WNK2: variants seen among roughly 807,000 people sequenced by gnomAD.
The protein encoded by WNK2 is WNK lysine deficient protein kinase 2, also known as serine/threonine-protein kinase WNK2.
Under a neutral mutation model 192.1 loss-of-function variants are expected in WNK2, and 67 were observed. The ratio of observed to expected loss-of-function variants is 0.35; its 90% CI spans 0.29 to 0.43. WNK2 has a LOEUF of 0.43. Among genes scored for constraint, WNK2 ranks in the 20% least tolerant of loss-of-function variants. The pLI, the probability that WNK2 is intolerant of heterozygous loss-of-function variation, is 1.00. For missense variants in WNK2, 2,698 were observed against 3,089.7 expected, an observed-to-expected ratio of 0.87 and a Z score of 3.01; for synonymous variants, 1,439 against 1,393.9, an observed-to-expected ratio of 1.03 and a Z score of -0.72.
chr9:93,297,154 C>T (rs866637202), intron 23 of WNK2, among the ~76,000 whole-genome samples: 1 of 146,296 alleles, frequency 6.8e-6, no homozygotes, highest in South Asian at 2.3e-4. Flanking sequence ...CATCCCCTCC[C>T]CATCCTCCCC....
At position 93,253,009 on chromosome 9, in the gene WNK2, C is replaced by T; in HGVS notation, c.1961C>T (p.Pro654Leu). The T allele has an allele frequency of 6.4e-7, 1 of 1,557,216 alleles. No individual in the cohort carries two copies. Among genetic ancestry groups the T allele is most frequent in the Non-Finnish European group, 8.7e-7 (1 of 1,152,686 alleles). The change falls in exon 9 of 30, where the codon CCC becomes CTC. Residue 654 changes from proline (P) to leucine (L), a missense_variant. Physicochemically the swap from Pro to Leu is moderately conservative, Grantham distance 98. Coordinates refer to ENST00000427277, the MANE Select transcript of WNK2 (RefSeq NM_006648.4). ...APSPAQCVCS[P>L]PVSEGPVLPQ... ...TCCCCGGCCCAGTGTGTGTGCAGCC[C>T]CCCTGTGAGCGAGGGGCCCGTCCTG...
intron 19 of WNK2, among the ~76,000 whole-genome samples, chr9:93,288,510 G>C (rs1192252112): frequency 6.6e-6 from 1 of 152,212 alleles, no homozygotes; most frequent in Non-Finnish European, 1.5e-5. Context: ...GACACAGAAG[G>C]AAGGGTGGTG....
rs1314862267 is a variant in WNK2, at chr9:93,259,498, C to T, written c.2950C>T (p.Pro984Ser). 3 of 1,561,054 alleles carry T rather than the reference C, an allele frequency of 1.9e-6. No homozygotes were observed. The highest frequency in any genetic ancestry group is 1.8e-5 in the Admixed American group (1 of 56,970). ...RPPQPVLPPQPMLPPQPVLPP... is the reference protein window; with the variant it reads ...RPPQPVLPPQSMLPPQPVLPP... ...CCCTCAACCTGTGCTGCCCCCGCAACCCATGCTGCCCCCACAACCTGTGCT... is the reference window on the plus strand; with the variant it reads ...CCCTCAACCTGTGCTGCCCCCGCAATCCATGCTGCCCCCACAACCTGTGCT... Residue 984 changes from proline to serine, a missense_variant, in exon 12 of 30, where the codon CCC (proline) becomes TCC (serine). Coordinates refer to ENST00000427277, the MANE Select transcript of WNK2 (RefSeq NM_006648.4). This position sits in a 1 kb window ranked among gnomAD's most constrained non-coding sequence, Gnocchi z 4.8.
rs773929587 is a variant in WNK2, at chr9:93,247,497, T to C, written c.1543-46T>C. 1 of 1,582,798 alleles carries C rather than the reference T, an allele frequency of 6.3e-7. No individual in the cohort carries two copies. Among genetic ancestry groups the C allele is most frequent in the South Asian group, 1.2e-5 (1 of 86,470 alleles). ...ACTTTAGGTAAGGGGTGTGGGCCGG[T>C]GAGGGCTGATCCCCAGCGATGCTGA... On this transcript the variant is annotated intron_variant, in intron 7 of 29. Transcript: ENST00000427277. This position sits in a 1 kb window ranked among gnomAD's most constrained non-coding sequence, Gnocchi z 5.2.
intron 16 of WNK2, among the ~76,000 whole-genome samples, 154 bp downstream of exon 16, chr9:93,264,187 G>C (rs913519000): frequency 1.3e-5 from 2 of 152,208 alleles, no homozygotes; most frequent in South Asian, 4.1e-4. Context: ...TTTACGCCTC[G>C]GGCTCTTCCC....
chr9:93,246,629 A>G (rs369480290), intron 7 of WNK2, among the ~76,000 whole-genome samples: 2 of 152,214 alleles, frequency 1.3e-5, no homozygotes, highest in African/African-American at 4.8e-5. Context: ...TGGGGTCGCC[A>G]GCCTCCATTG....
At chr9:93,308,263 C>T in intron 27 of WNK2, 65 bp from the exon 28 acceptor site, 1 of 1,508,588 alleles carries the variant, frequency 6.6e-7, no homozygotes, top group African/African-American at 1.4e-5. Flanking sequence ...TGAATGCGGC[C>T]AGCCCACTGG....
intron 8 of WNK2, among the ~76,000 whole-genome samples, chr9:93,250,506 G>T (rs759358149): frequency 6.6e-6 from 1 of 152,192 alleles, no homozygotes; most frequent in Admixed American, 6.5e-5. Context: ...GGATATGCTG[G>T]GTAAGAGCAG....
At chr9:93,272,005 C>G (rs563453717) in intron 19 of WNK2, among the ~76,000 whole-genome samples, 1 of 152,338 alleles carries the variant, frequency 6.6e-6, no homozygotes, top group South Asian at 2.1e-4. Flanking sequence ...AACTGTCCAT[C>G]TAGAATTCTG....
rs1281465813 is a variant in WNK2, at chr9:93,259,842, A to C, written c.3066+228A>C. 1.3e-5 allele frequency among the ~76,000 whole-genome samples: 2 copies of C among 152,170 alleles called. No individual in the cohort carries two copies. ...CAGGAGATGCAGGAGTCCGTGCCTG[A>C]TAGGTTCTGTGTCCCTACCTTCCCA... On this transcript the variant is annotated intron_variant, in intron 12 of 29. Coordinates refer to ENST00000427277, the MANE Select transcript of WNK2 (RefSeq NM_006648.4). The surrounding 1 kb of genome is among the most constrained non-coding windows in gnomAD (Gnocchi z 4.8).
rs368888719 is a variant in WNK2, at chr9:93,292,722, A to C, written c.5257A>C (p.Thr1753Pro). The change falls in exon 23 of 30, where the codon ACT becomes CCT. Residue 1753 changes from threonine (T) to proline (P), a missense_variant. Physicochemically the swap from Thr to Pro is conservative, Grantham distance 38. Coordinates refer to ENST00000427277, the MANE Select transcript of WNK2 (RefSeq NM_006648.4). ...KTVGRFSVVS[T>P]QDEWTLASPH... ...TGTGGGCCGTTTCTCGGTGGTCAGC[A>C]CTCAGGACGAGTGGACCCTGGCCTC... 80 of 1,510,010 alleles carry C rather than the reference A, an allele frequency of 5.3e-5. No individual in the cohort carries two copies. The highest frequency in any genetic ancestry group is 6.7e-5 in the Non-Finnish European group (75 of 1,126,772). The allele number at this position is 1,510,010 out of a possible 1,614,324, so 93.5% of individuals were successfully genotyped here.
chr9:93,277,563 A>G (rs181471465), intron 19 of WNK2, among the ~76,000 whole-genome samples: 8 of 152,334 alleles, frequency 5.3e-5, no homozygotes, highest in Non-Finnish European at 8.8e-5. Context: ...AAAGGCATTA[A>G]GCTGAGTGAA....
chr9:93,236,619 T>C (rs1400966424), intron 5 of WNK2, among the ~76,000 whole-genome samples: 1 of 152,254 alleles, frequency 6.6e-6, no homozygotes, highest in Non-Finnish European at 1.5e-5. Context: ...GCCCTGCTGC[T>C]TCTGAGTCCG....
intron 19 of WNK2, among the ~76,000 whole-genome samples, chr9:93,279,423 A>C (rs1847392243): frequency 6.6e-6 from 1 of 152,252 alleles, no homozygotes; most frequent in Non-Finnish European, 1.5e-5. Context: ...AACAATGCTC[A>C]TGGAAATTAA....
At chr9:93,188,467 A>T (rs1829743166) in intron 2 of WNK2, among the ~76,000 whole-genome samples, 1 of 152,240 alleles carries the variant, frequency 6.6e-6, no homozygotes, top group Non-Finnish European at 1.5e-5. Flanking sequence ...AATTCTCCAG[A>T]TGTGCAAAGC....
chr9:93,191,361 A>T (rs938420479), intron 2 of WNK2, among the ~76,000 whole-genome samples: 4 of 151,860 alleles, frequency 2.6e-5, no homozygotes, highest in Admixed American at 6.6e-5. Context: ...GTGTATGTTG[A>T]CTCAGTGAGC....
rs778852586 is a variant in WNK2, at chr9:93,231,118, C to A, written c.1075+10C>A. On this transcript the variant is annotated intron_variant, in intron 4 of 29. Coordinates refer to ENST00000427277, the MANE Select transcript of WNK2 (RefSeq NM_006648.4). ...GCCAAAAGTGTGATAGGTAAACCTG[C>A]TTCTCCTCCCCAGGCCCTTGGAGCC... The A allele has an allele frequency of 3.1e-6, 5 of 1,612,734 alleles. No homozygotes were observed. The South Asian group carries it at 5.5e-5, about 18-fold the overall frequency.
chr9:93,284,981 A>C (rs1344658477), intron 19 of WNK2, among the ~76,000 whole-genome samples: 1 of 152,266 alleles, frequency 6.6e-6, no homozygotes, highest in Admixed American at 6.5e-5. Flanking sequence ...AATGCATGTC[A>C]CATAGTAGAC....
At chr9:93,285,000 C>T (rs1233906974) in intron 19 of WNK2, among the ~76,000 whole-genome samples, 1 of 152,142 alleles carries the variant, frequency 6.6e-6, no homozygotes, top group African/African-American at 2.4e-5. Flanking sequence ...ACACGCAGAG[C>T]TGAATGATTG....
Sources: allele counts gnomAD v4.1 joint callset (sites outside exome capture counted in the v4.1 genomes callset), GRCh38; gene constraint gnomAD v4.1.1; non-coding constraint Gnocchi (gnomAD v3.1); transcripts MANE v1.5; gene names NCBI Gene and HGNC (gene_info 2026-07-23, HGNC 2026-07-21).